Variants in MCTP1 observed in about 807,000 individuals in gnomAD.
MCTP1 encodes the protein multiple C2 and transmembrane domain containing 1.
A neutral mutation model predicts 120.6 loss-of-function variants in MCTP1; 69 were observed. The ratio of observed to expected loss-of-function variants is 0.57; its 90% CI spans 0.47 to 0.70. The LOEUF (loss-of-function observed/expected upper bound fraction) is 0.70. Among genes scored for constraint, MCTP1 ranks in the 30% least tolerant of loss-of-function variants. The pLI is 0.00. For synonymous variants in MCTP1, 529 were observed against 493.1 expected (o/e 1.07, Z -0.96); for missense variants, 1,203 against 1,248.8 (o/e 0.96, Z 0.55).
Position 94,799,097 on chromosome 5 carries a change from G to A in MCTP1, c.2472C>T (p.Tyr824=). 3.1e-6 allele frequency: 5 copies of A among 1,612,042 alleles called. No homozygotes were observed. In the South Asian group the frequency reaches 3.3e-5, roughly 11 times the overall value. The change falls in exon 18 of 23, where the codon TAC becomes TAT. Residue 824 remains tyrosine (Y), a synonymous_variant. Transcript: ENST00000515393. ...GTAACAACAAAACCAGTGGTATCATGTAGAGCTCAAAGTTCCAGACAACAA... is the reference window on the plus strand; with the variant it reads ...GTAACAACAAAACCAGTGGTATCATATAGAGCTCAAAGTTCCAGACAACAA... ...FLFVVWNFEL[Y]MIPLVLLLLL...
chr5:94,867,070 A>G (rs759175255), intron 17 of MCTP1: 1 of 433,952 alleles, frequency 2.3e-6, no homozygotes, highest in Admixed American at 4.2e-5. Context: ...AAATAGACAT[A>G]GAAGCTCAGT....
At chr5:95,208,721 C>T (rs1472244748) in intron 1 of MCTP1, among the ~76,000 whole-genome samples, 1 of 146,006 alleles carries the variant, frequency 6.8e-6, no homozygotes, top group Non-Finnish European at 1.5e-5. Context: ...CATCTTCAAC[C>T]CTTTCAGAAA....
intron 12 of MCTP1, among the ~76,000 whole-genome samples, chr5:94,874,081 G>A (rs1798321447): frequency 6.6e-6 from 1 of 152,016 alleles, no homozygotes; most frequent in African/African-American, 2.4e-5. Context: ...TATTAGTGCA[G>A]CATGTAATTT....
chr5:94,722,048 A>C (rs1448652368), intron 19 of MCTP1, among the ~76,000 whole-genome samples: 5 of 152,224 alleles, frequency 3.3e-5, no homozygotes, highest in Non-Finnish European at 7.4e-5. Context: ...TAAAAGTTGA[A>C]GTACAGTGAT....
At chr5:95,073,261 T>C (rs1752712137) in intron 1 of MCTP1, among the ~76,000 whole-genome samples, 1 of 152,230 alleles carries the variant, frequency 6.6e-6, no homozygotes, top group East Asian at 1.9e-4. Context: ...TTGCCAAAGC[T>C]ATCCTTTGGT....
chr5:95,053,393 G>A (rs1351852126), intron 1 of MCTP1, among the ~76,000 whole-genome samples: 2 of 152,176 alleles, frequency 1.3e-5, no homozygotes, highest in African/African-American at 4.8e-5. Context: ...CAGGCCATGA[G>A]CTTCGGGATT....
At chr5:94,708,835 A>G (rs1156290856) in intron 21 of MCTP1, 8 of 419,810 alleles carry the variant, frequency 1.9e-5, no homozygotes, top group Non-Finnish European at 3.5e-5. Flanking sequence ...TGGGAAATAA[A>G]GGAGCTGCCC....
rs1057504648 is a variant in MCTP1 at position 94,835,675 on chromosome 5, C to T, written c.2436+32658G>A. ...CTTCCTTAGCAGAGTCATTTATATCCGGGCCTGTCTTACTTCAAAGCTCTT... is the reference window on the plus strand; with the variant it reads ...CTTCCTTAGCAGAGTCATTTATATCTGGGCCTGTCTTACTTCAAAGCTCTT... On this transcript the variant is annotated intron_variant, in intron 17 of 22. Coordinates refer to ENST00000515393, the MANE Select transcript of MCTP1 (RefSeq NM_024717.7). Among the ~76,000 whole-genome samples the T allele has an allele frequency of 1.1e-3, 160 of 152,144 alleles. 1 individual carries two copies. The highest frequency in any genetic ancestry group is 1.2e-4 in the African/African-American group (5 of 41,426).
At chr5:94,823,436 G>A (rs1786150948) in intron 17 of MCTP1, among the ~76,000 whole-genome samples, 1 of 152,158 alleles carries the variant, frequency 6.6e-6, no homozygotes, top group Non-Finnish European at 1.5e-5. Context: ...ATGCCACTTT[G>A]GTTACTGTAG....
chr5:95,167,279 G>A (rs914466183), intron 1 of MCTP1, among the ~76,000 whole-genome samples: 2 of 152,196 alleles, frequency 1.3e-5, no homozygotes, highest in African/African-American at 4.8e-5. Flanking sequence ...TGGTGTATAT[G>A]TGCCACATTT....
At chr5:95,203,795 A>ATT (rs1165785279) in intron 1 of MCTP1, among the ~76,000 whole-genome samples, 1 of 152,232 alleles carries the variant, frequency 6.6e-6, no homozygotes, top group Non-Finnish European at 1.5e-5. Context: ...AGTAAAAAGC[A>ATT]TTAATCTTCA....
chr5:94,871,351 A>C lies in MCTP1; in HGVS notation c.2103T>G (p.Ala701=). 6.2e-7 allele frequency: 1 copy of C among 1,612,540 alleles called. No homozygotes were observed. The highest frequency in any genetic ancestry group is 8.5e-7 in the Non-Finnish European group (1 of 1,178,920). The stretch of plus-strand genomic sequence containing the variant: ...GTATAGCAACTTTGCCCAGAAAGTC[A>C]GCACTTCGATCCCGATCTTCATCAT... ...TVYDEDRDRS[A]DFLGKVAIPL... is the part of the protein sequence containing the mutation. Residue 701 remains alanine, a synonymous_variant, in exon 14 of 23, where the codon GCT becomes GCG. Transcript: ENST00000515393.
intron 1 of MCTP1, among the ~76,000 whole-genome samples, chr5:95,128,841 T>C (rs1758823577): frequency 1.3e-5 from 2 of 152,254 alleles, no homozygotes; most frequent in South Asian, 2.1e-4. Context: ...ATGTGAATTA[T>C]ATCTCAACAA....
chr5:94,717,984 G>A (rs1442549031), intron 19 of MCTP1, among the ~76,000 whole-genome samples: 1 of 152,032 alleles, frequency 6.6e-6, no homozygotes, highest in Non-Finnish European at 1.5e-5. Flanking sequence ...AACTACCACT[G>A]ACCTTCTTCA....
chr5:95,190,704 G>A (rs903939417), intron 1 of MCTP1, among the ~76,000 whole-genome samples: 5 of 151,740 alleles, frequency 3.3e-5, no homozygotes, highest in Non-Finnish European at 7.4e-5. Context: ...AATGCTATTT[G>A]CAAATAAATG....
intron 1 of MCTP1, among the ~76,000 whole-genome samples, chr5:95,219,485 A>C (rs1753442733): frequency 6.6e-6 from 1 of 152,170 alleles, no homozygotes; most frequent in Admixed American, 6.5e-5. Flanking sequence ...ATGTGTATCT[A>C]TGAGGCTAAT....
chr5:95,038,012 G>T, intron 1 of MCTP1: 1 of 346,990 alleles, frequency 2.9e-6, no homozygotes, highest in Non-Finnish European at 4.1e-6. Flanking sequence ...CATCATATGG[G>T]GCATAGCATG....
chr5:95,164,218 T>G (rs539392969), intron 1 of MCTP1, among the ~76,000 whole-genome samples: 55 of 152,286 alleles, frequency 3.6e-4, no homozygotes, highest in Admixed American at 8.5e-4. Context: ...GGAGCATTAT[T>G]TGCCTTAGTT....
chr5:95,091,602 A>G lies in MCTP1; in HGVS notation c.721-74118T>C, dbSNP rs1047183235. On this transcript the variant is annotated intron_variant, in intron 1 of 22. Transcript: ENST00000515393. ...GGCTGCCTTGCTGTGAGGAAGCCCA[A>G]CTAGCCCTGAGACCACAAGAAGAGA... Among the ~76,000 whole-genome samples, 14 of 152,188 alleles carry G rather than the reference A, an allele frequency of 9.2e-5. 1 individual carries two copies. Among genetic ancestry groups the G allele is most frequent in the Admixed American group, 8.5e-4 (13 of 15,284 alleles).
Sources: allele counts gnomAD v4.1 joint callset (sites outside exome capture counted in the v4.1 genomes callset), GRCh38; gene constraint gnomAD v4.1.1; transcripts MANE v1.5; gene names NCBI Gene and HGNC (gene_info 2026-07-23, HGNC 2026-07-21).